The following SYN2 variants were observed in gnomAD, a reference collection of about 807,000 sequenced individuals.
SYN2 encodes the protein synapsin-2.
A neutral mutation model predicts 50.9 loss-of-function variants in SYN2; 19 were observed. That is an observed-to-expected ratio of 0.37 (90% CI 0.26 to 0.55). SYN2 has a LOEUF of 0.55. Among genes scored for constraint, SYN2 ranks in the 20% least tolerant of loss-of-function variants. The pLI is 0.81. For missense variants in SYN2, 587 were observed against 576.4 expected (o/e 1.02, Z -0.19); for synonymous variants, 255 against 224.9 (o/e 1.13, Z -1.20).
intron 1 of SYN2, among the ~76,000 whole-genome samples, chr3:12,017,542 A>G (rs1694050019): frequency 6.6e-6 from 1 of 152,208 alleles, no homozygotes; most frequent in African/African-American, 2.4e-5. Flanking sequence ...TGACACAGAT[A>G]CATGTTTGAC....
intron 6 of SYN2, 85 bp from the exon 7 acceptor site, chr3:12,161,927 T>G (rs1574874195): frequency 5.1e-6 from 8 of 1,557,384 alleles, no homozygotes. Context: ...TATTGGTGGG[T>G]TTGGAGGCTC....
At chr3:12,100,185 A>T (rs2125188462) in intron 1 of SYN2, among the ~76,000 whole-genome samples, 1 of 152,274 alleles carries the variant, frequency 6.6e-6, no homozygotes, top group East Asian at 1.9e-4. Flanking sequence ...TAGCCAGAAC[A>T]ATCTGAAAAA....
intron 10 of SYN2, among the ~76,000 whole-genome samples, chr3:12,174,528 G>A (rs1024445600): frequency 2.0e-5 from 3 of 152,126 alleles, no homozygotes; most frequent in Non-Finnish European, 4.4e-5. Flanking sequence ...CTGTCACCAG[G>A]CTGGAGTGTG....
At position 12,160,948 on chromosome 3, in the gene SYN2, G is replaced by T. The variant is rs561816112; in HGVS notation, c.775-598G>T. Among the ~76,000 whole-genome samples, 4 of 152,086 alleles carry T rather than the reference G, an allele frequency of 2.6e-5. No homozygotes were observed. The South Asian group carries it at 8.3e-4, about 32-fold the overall frequency. On this transcript the variant is annotated intron_variant, in intron 5 of 12. Transcript: ENST00000621198. ...TATAAACATACTGAATTCTTCTACC[G>T]GCTCTCTTTCAAACCCCAAGCTGGG...
At chr3:12,153,383 C>T in intron 5 of SYN2, 3 of 1,086,414 alleles carry the variant, frequency 2.8e-6, no homozygotes, top group South Asian at 2.8e-5. Context: ...TGACAGTGGC[C>T]AGACTGTCCA....
chr3:12,076,633 C>T (rs774782131), intron 1 of SYN2, among the ~76,000 whole-genome samples: 2 of 151,900 alleles, frequency 1.3e-5, no homozygotes, highest in Non-Finnish European at 1.5e-5. Flanking sequence ...AGACACTATG[C>T]TAAGTGTTTT....
At chr3:12,140,935 G>A (rs1218695631) in intron 2 of SYN2, among the ~76,000 whole-genome samples, 1 of 152,134 alleles carries the variant, frequency 6.6e-6, no homozygotes, top group East Asian at 1.9e-4. Flanking sequence ...TGGCTCTAGT[G>A]TCTGTAGATG....
intron 1 of SYN2, among the ~76,000 whole-genome samples, chr3:12,013,879 T>C (rs956202822): frequency 1.3e-5 from 2 of 152,348 alleles, no homozygotes; most frequent in Non-Finnish European, 2.9e-5. Context: ...CCAGCAATAC[T>C]GAACTGTTTG....
chr3:12,112,884 G>C (rs953342420), intron 1 of SYN2, among the ~76,000 whole-genome samples: 1 of 152,200 alleles, frequency 6.6e-6, no homozygotes, highest in Non-Finnish European at 1.5e-5. Flanking sequence ...TGTGGTACAA[G>C]TAGTAAATTC....
chr3:12,054,257 T>C (rs951336956), intron 1 of SYN2, among the ~76,000 whole-genome samples: 2 of 152,132 alleles, frequency 1.3e-5, no homozygotes, highest in African/African-American at 4.8e-5. Context: ...TCCCACTGGT[T>C]AAAAATTGCC....
At chr3:12,036,859 T>C (rs544049399) in intron 1 of SYN2, among the ~76,000 whole-genome samples, 1 of 152,362 alleles carries the variant, frequency 6.6e-6, no homozygotes, top group South Asian at 2.1e-4. Context: ...TTGTAAATTA[T>C]GTCTAAGTCA....
rs1259601796 is a variant in SYN2 at position 12,098,572 on chromosome 3, A to G, written c.378-42079A>G. 3.9e-5 allele frequency among the ~76,000 whole-genome samples: 6 copies of G among 152,050 alleles called. No homozygotes were observed. In the South Asian group the frequency reaches 6.2e-4, roughly 16 times the overall value. On this transcript the variant is annotated intron_variant, in intron 1 of 12. Transcript: ENST00000621198. Reference sequence around the variant, plus strand: ...AAGAAAGTAACTTTTTAAAAAAAGTAAATAAATGACAAAGGTATTTAAATG... The same window carrying G: ...AAGAAAGTAACTTTTTAAAAAAAGTGAATAAATGACAAAGGTATTTAAATG...
intron 1 of SYN2, among the ~76,000 whole-genome samples, chr3:12,013,936 T>C (rs1693968250): frequency 6.6e-6 from 1 of 152,246 alleles, no homozygotes; most frequent in African/African-American, 2.4e-5. Flanking sequence ...GTCTTTACTG[T>C]CTGCTACTAC....
At position 12,178,182 on chromosome 3, in the gene SYN2, C is replaced by T. The variant is rs896233171; in HGVS notation, c.1309-5130C>T. On this transcript the variant is annotated intron_variant, in intron 10 of 12. Transcript: ENST00000621198. ...GGAGCTGATCAGAATAGTTCTGTGG[C>T]GTGTCCGGCAAGGAGCTTGGCCTGG... is the stretch of plus-strand genomic sequence containing the variant. 6.6e-5 allele frequency among the ~76,000 whole-genome samples: 10 copies of T among 152,314 alleles called. No homozygotes were observed. In the South Asian group the frequency reaches 8.3e-4, roughly 13 times the overall value.
At chr3:12,177,015 TCTC>T (rs1219629940) in intron 10 of SYN2, among the ~76,000 whole-genome samples, 1 of 151,968 alleles carries the variant, frequency 6.6e-6, no homozygotes. Flanking sequence ...ACTTATAAAA[TCTC>T]CTTCCAAGCC....
intron 1 of SYN2, among the ~76,000 whole-genome samples, chr3:12,046,865 C>T (rs1461768540): frequency 6.6e-6 from 1 of 151,988 alleles, no homozygotes; most frequent in Non-Finnish European, 1.5e-5. Context: ...TTTACTGATA[C>T]GAGGAACATT....
intron 10 of SYN2, among the ~76,000 whole-genome samples, chr3:12,176,996 G>A (rs1405010121): frequency 6.6e-6 from 1 of 152,144 alleles, no homozygotes; most frequent in African/African-American, 2.4e-5. Flanking sequence ...GGGGCTGTTG[G>A]AGCAGGTAAC....
rs557638433 is a variant in SYN2, at chr3:12,066,866, A to G, written c.377+61938A>G. On this transcript the variant is annotated intron_variant, in intron 1 of 12. Transcript: ENST00000621198. ...TGGGGGGGGCCTCAGGAAGCTTACAATGATGGCAGAAGGGTATCACTTCTC... is the reference window on the plus strand; with the variant it reads ...TGGGGGGGGCCTCAGGAAGCTTACAGTGATGGCAGAAGGGTATCACTTCTC... 5.9e-5 allele frequency among the ~76,000 whole-genome samples: 9 copies of G among 152,288 alleles called. No individual in the cohort carries two copies. The East Asian group carries it at 1.4e-3, about 23-fold the overall frequency.
In SYN2 at chr3:12,162,053, C is replaced by T. The variant is rs748111837; in HGVS notation, c.879C>T (p.Ser293=). The change falls in exon 7 of 13, where the codon AGC becomes AGT. Residue 293 remains serine (S), a synonymous_variant. Transcript: ENST00000621198. Reference sequence around the variant, plus strand: ...ACTACGACTTCCAGGACATTGCCAGCGTGGTGGCTCTCACCCAGACCTATG... The same window carrying T: ...ACTACGACTTCCAGGACATTGCCAGTGTGGTGGCTCTCACCCAGACCTATG... The part of the protein sequence containing the change: ...ENHYDFQDIA[S]VVALTQTYAT... 8.7e-6 allele frequency: 14 copies of T among 1,613,914 alleles called. No homozygotes were observed. The highest frequency in any genetic ancestry group is 1.6e-4 in the Middle Eastern group (1 of 6,084).
Sources: allele counts gnomAD v4.1 joint callset (sites outside exome capture counted in the v4.1 genomes callset), GRCh38; gene constraint gnomAD v4.1.1; transcripts MANE v1.5; gene names NCBI Gene and HGNC (gene_info 2026-07-23, HGNC 2026-07-21).